Variants in PRKG1 observed in about 807,000 individuals in gnomAD.
PRKG1 encodes protein kinase cGMP-dependent 1, also known as cGMP-dependent protein kinase 1.
A neutral mutation model predicts 88.1 loss-of-function variants in PRKG1; 35 were observed. That is an observed-to-expected ratio of 0.40 (90% confidence interval 0.30 to 0.53). The LOEUF (loss-of-function observed/expected upper bound fraction) is 0.53. PRKG1 is among the 20% of genes least tolerant of loss of function. The probability of loss-of-function intolerance (pLI) is 0.59; values close to 1 mark genes in which losing one functional copy is unlikely to be tolerated. For missense variants in PRKG1, 540 were observed against 839.8 expected (o/e 0.64, Z 4.41); for synonymous variants, 303 against 292.5 (o/e 1.04, Z -0.37).
At position 51,906,441 on chromosome 10, in the gene PRKG1, G is replaced by A. The variant is rs147339925; in HGVS notation, c.699-1066G>A. On this transcript the variant is annotated intron_variant, in intron 4 of 17. Transcript: ENST00000373980. Reference sequence around the variant, plus strand: ...CATTTTAGGGGGACAGAAGTTACAGGCAGACATCCATCAGTACATATAAGG... The same window carrying A: ...CATTTTAGGGGGACAGAAGTTACAGACAGACATCCATCAGTACATATAAGG... 7.9e-3 allele frequency among the ~76,000 whole-genome samples: 1,206 copies of A among 152,256 alleles called. 17 individuals are homozygous for A. Among genetic ancestry groups the A allele is most frequent in the African/African-American group, 0.025 (1,046 of 41,536 alleles).
chr10:51,424,513 T>G (rs1406057973), intron 2 of PRKG1, among the ~76,000 whole-genome samples: 1 of 152,118 alleles, frequency 6.6e-6, no homozygotes, highest in Non-Finnish European at 1.5e-5. Context: ...AAATTAACTG[T>G]CTTCTTGCAA....
At chr10:52,173,659 A>G (rs1271249514) in intron 9 of PRKG1, among the ~76,000 whole-genome samples, 1 of 152,214 alleles carries the variant, frequency 6.6e-6, no homozygotes, top group Non-Finnish European at 1.5e-5. Context: ...TGCAAGCATT[A>G]GTCAACTTTA....
intron 5 of PRKG1, among the ~76,000 whole-genome samples, chr10:51,951,584 T>C (rs1276196484): frequency 6.6e-6 from 1 of 152,206 alleles, no homozygotes; most frequent in Non-Finnish European, 1.5e-5. Context: ...AAAGACCTTA[T>C]GGTACTATTC....
intron 1 of PRKG1, among the ~76,000 whole-genome samples, chr10:51,094,571 T>C (rs913181956): frequency 2.0e-5 from 3 of 152,092 alleles, no homozygotes; most frequent in Non-Finnish European, 4.4e-5. Context: ...GGTTTTTGAA[T>C]GGTATCATGA....
At chr10:52,031,442 A>T (rs566109667) in intron 5 of PRKG1, among the ~76,000 whole-genome samples, 1 of 152,328 alleles carries the variant, frequency 6.6e-6, no homozygotes, top group East Asian at 1.9e-4. Flanking sequence ...TTTACTAACC[A>T]TAAACAGGGC....
intron 3 of PRKG1, among the ~76,000 whole-genome samples, chr10:51,714,501 T>C (rs1283771842): frequency 1.3e-5 from 2 of 152,114 alleles, no homozygotes; most frequent in East Asian, 1.9e-4. Context: ...AGGGGTAGAA[T>C]TTTAGGAGAG....
intron 5 of PRKG1, among the ~76,000 whole-genome samples, chr10:51,983,070 G>C (rs1217149386): frequency 2.0e-5 from 3 of 152,132 alleles, no homozygotes; most frequent in African/African-American, 7.2e-5. Flanking sequence ...TGTGCTGCGG[G>C]CAGGGTTGGT....
rs1218028224 is a variant in PRKG1, at chr10:51,138,678, T to G, written c.312-14486T>G. Among the ~76,000 whole-genome samples, 345 of 121,616 alleles carry G rather than the reference T, an allele frequency of 2.8e-3. 2 individuals are homozygous for G. The highest frequency in any genetic ancestry group is 8.5e-3 in the African/African-American group (282 of 33,148). 79.8% of individuals were successfully genotyped at this position (121,616 alleles called of 152,430 possible). On this transcript the variant is annotated intron_variant, in intron 1 of 17. Coordinates refer to ENST00000373980, the MANE Select transcript of PRKG1 (RefSeq NM_006258.4). ...GTCTTTTTGGACATTGAGTTTTGTT[T>G]TTTTTTTTTTTTTTTTTTTTTTTGA...
At chr10:51,553,894 ATATG>A (rs999589538) in intron 3 of PRKG1, among the ~76,000 whole-genome samples, 2 of 126,094 alleles carry the variant, frequency 1.6e-5, no homozygotes, top group African/African-American at 3.1e-5. Flanking sequence ...TGTATATAAT[ATATG>A]TATGTATTAG....
intron 3 of PRKG1, among the ~76,000 whole-genome samples, chr10:51,560,068 A>T (rs990530453): frequency 6.6e-6 from 1 of 152,122 alleles, no homozygotes; most frequent in Non-Finnish European, 1.5e-5. Context: ...ACTGATTTTT[A>T]TAACATTTAT....
chr10:51,250,000 A>G (rs912788641), intron 2 of PRKG1, among the ~76,000 whole-genome samples: 5 of 151,830 alleles, frequency 3.3e-5, no homozygotes, highest in African/African-American at 1.2e-4. Flanking sequence ...CTTATCATCT[A>G]GGGTACTTTG....
intron 2 of PRKG1, among the ~76,000 whole-genome samples, chr10:51,303,866 G>T (rs1840960122): frequency 6.6e-6 from 1 of 151,824 alleles, no homozygotes. Flanking sequence ...TGTAACCCAG[G>T]CTGGAGCGCA....
intron 9 of PRKG1, among the ~76,000 whole-genome samples, chr10:52,209,764 A>T (rs138638244): frequency 6.6e-6 from 1 of 152,118 alleles, no homozygotes; most frequent in Non-Finnish European, 1.5e-5. Flanking sequence ...TCTCAAATCC[A>T]TCAGCAAATA....
intron 2 of PRKG1, among the ~76,000 whole-genome samples, chr10:51,447,229 A>G (rs1463846174): frequency 2.6e-5 from 4 of 152,102 alleles, no homozygotes; most frequent in South Asian, 4.1e-4. Context: ...ATGAGAAAAC[A>G]CCTTTGGGAT....
At chr10:51,517,741 T>A (rs1841627088) in intron 3 of PRKG1, among the ~76,000 whole-genome samples, 1 of 152,232 alleles carries the variant, frequency 6.6e-6, no homozygotes, top group Admixed American at 6.5e-5. Context: ...TTTTGACTAA[T>A]GTATATGGGA....
At chr10:51,723,778 T>G (rs1159065626) in intron 3 of PRKG1, among the ~76,000 whole-genome samples, 2 of 152,218 alleles carry the variant, frequency 1.3e-5, no homozygotes, top group African/African-American at 4.8e-5. Context: ...GTTGAAATCC[T>G]AAAAGATGAA....
At chr10:51,520,762 A>G (rs1175170427) in intron 3 of PRKG1, among the ~76,000 whole-genome samples, 1 of 152,224 alleles carries the variant, frequency 6.6e-6, no homozygotes, top group Non-Finnish European at 1.5e-5. Flanking sequence ...TTCATGAAAT[A>G]GCCGGCAAAA....
chr10:52,163,698 T>C (rs1838346824), intron 9 of PRKG1, among the ~76,000 whole-genome samples: 1 of 152,194 alleles, frequency 6.6e-6, no homozygotes, highest in African/African-American at 2.4e-5. Flanking sequence ...TCCTATGGAC[T>C]TTATAAAGAT....
intron 3 of PRKG1, among the ~76,000 whole-genome samples, chr10:51,680,486 A>G (rs1307823372): frequency 6.6e-6 from 1 of 152,210 alleles, no homozygotes; most frequent in African/African-American, 2.4e-5. Context: ...AAGGATCTGG[A>G]CAATTCACAC....
Sources: gnomAD v4.1 joint callset for allele counts (sites outside exome capture counted in the v4.1 genomes callset) on GRCh38, gnomAD v4.1.1 for gene constraint, MANE v1.5 for transcripts, NCBI Gene and HGNC (gene_info 2026-07-23, HGNC 2026-07-21) for gene names.